Variants in EPS15 observed in about 807,000 individuals in gnomAD.
The protein encoded by EPS15 is epidermal growth factor receptor pathway substrate 15.
In EPS15, 72 loss-of-function variants were observed where a neutral mutation model predicts 113.8. That is an observed-to-expected ratio of 0.63 (90% confidence interval 0.52 to 0.77). The LOEUF (loss-of-function observed/expected upper bound fraction) is 0.77, where lower values mean the gene tolerates loss of function less well. Among genes scored for constraint, EPS15 ranks in the 30% least tolerant of loss-of-function variants. The pLI is 0.00. For missense variants in EPS15, 1,048 were observed against 1,045.8 expected (o/e 1.00, Z -0.03); for synonymous variants, 344 against 363.4 (o/e 0.95, Z 0.61).
At chr1:51,357,740 C>CTTT (rs397978269) in intron 24 of EPS15, among the ~76,000 whole-genome samples, 105 of 133,062 alleles carry the variant, frequency 7.9e-4, no homozygotes, top group African/African-American at 2.7e-3. Context: ...TAAACCTAAT[C>CTTT]TTTTTTTTTT....
At chr1:51,455,144 A>G (rs1653882109) in intron 8 of EPS15, among the ~76,000 whole-genome samples, 1 of 152,228 alleles carries the variant, frequency 6.6e-6, no homozygotes, top group Non-Finnish European at 1.5e-5. Flanking sequence ...CAGCCCTAAT[A>G]AAACAAAGAA....
intron 10 of EPS15, among the ~76,000 whole-genome samples, chr1:51,445,799 A>G (rs529880560): frequency 9.2e-5 from 14 of 152,360 alleles, no homozygotes; most frequent in African/African-American, 3.4e-4. Context: ...AACCTTGGCT[A>G]AGTTTTTTAA....
intron 1 of EPS15, among the ~76,000 whole-genome samples, chr1:51,486,678 T>C (rs1425266907): frequency 6.6e-6 from 1 of 152,100 alleles, no homozygotes; most frequent in Non-Finnish European, 1.5e-5. Context: ...TAATTTTCTT[T>C]TCTTTTTTTT....
At chr1:51,448,728 G>C (rs1245500454) in intron 8 of EPS15, among the ~76,000 whole-genome samples, 1 of 152,164 alleles carries the variant, frequency 6.6e-6, no homozygotes, top group Non-Finnish European at 1.5e-5. Flanking sequence ...GCGGTAGCAT[G>C]CTACCCCAAA....
At chr1:51,502,482 G>A (rs761154816) in intron 1 of EPS15, among the ~76,000 whole-genome samples, 1 of 152,018 alleles carries the variant, frequency 6.6e-6, no homozygotes, top group African/African-American at 2.4e-5. Flanking sequence ...TTATACTGGA[G>A]GTTCTAACCA....
intron 3 of EPS15, among the ~76,000 whole-genome samples, chr1:51,472,484 C>T (rs2148512495): frequency 6.6e-6 from 1 of 152,110 alleles, no homozygotes; most frequent in East Asian, 1.9e-4. Flanking sequence ...TTTAAAAAGC[C>T]TCTCATCCCC....
intron 15 of EPS15, among the ~76,000 whole-genome samples, chr1:51,406,640 T>A (rs959914234): frequency 2.0e-5 from 3 of 152,034 alleles, no homozygotes; most frequent in African/African-American, 4.8e-5. Flanking sequence ...ATTTTTTTTT[T>A]AAAGAGATTC....
chr1:51,408,596 T>C (rs1649369209), intron 14 of EPS15, among the ~76,000 whole-genome samples: 1 of 151,684 alleles, frequency 6.6e-6, no homozygotes, highest in Non-Finnish European at 1.5e-5. Context: ...AGCCCTATTA[T>C]GGAGTTTTTG....
At chr1:51,360,809 T>C (rs975727905) in intron 24 of EPS15, among the ~76,000 whole-genome samples, 1 of 152,158 alleles carries the variant, frequency 6.6e-6, no homozygotes, top group African/African-American at 2.4e-5. Context: ...ACTGGCATTA[T>C]TCATCTAGTG....
intron 21 of EPS15, among the ~76,000 whole-genome samples, chr1:51,378,424 A>C (rs1447371768): frequency 6.6e-6 from 1 of 152,056 alleles, no homozygotes; most frequent in African/African-American, 2.4e-5. Context: ...TAGGAGACTG[A>C]GGTGGGAGGA....
chr1:51,432,161 A>G (rs1651783994), intron 12 of EPS15, among the ~76,000 whole-genome samples: 1 of 152,232 alleles, frequency 6.6e-6, no homozygotes, highest in African/African-American at 2.4e-5. Context: ...AAGACAGACT[A>G]TAATACATCT....
intron 7 of EPS15, 93 bp downstream of exon 7, chr1:51,463,573 GATTTGTA>G (rs772836941): frequency 3.9e-5 from 24 of 609,192 alleles, no homozygotes; most frequent in Non-Finnish European, 5.5e-5. Flanking sequence ...TTTAAAATAA[GATTTGTA>G]TATTTTTAAC....
intron 12 of EPS15, among the ~76,000 whole-genome samples, chr1:51,435,559 T>A (rs1182879352): frequency 6.6e-6 from 1 of 152,228 alleles, no homozygotes. Context: ...TAGTTCAACA[T>A]TTAACACATG....
At chr1:51,450,774 G>A (rs1411711567) in intron 8 of EPS15, among the ~76,000 whole-genome samples, 1 of 151,676 alleles carries the variant, frequency 6.6e-6, no homozygotes, top group African/African-American at 2.4e-5. Flanking sequence ...TTGCAGCACC[G>A]TTTGTATCAG....
At chr1:51,508,240 A>G (rs1396906046) in intron 1 of EPS15, among the ~76,000 whole-genome samples, 51 of 77,782 alleles carry the variant, frequency 6.6e-4, no homozygotes, top group African/African-American at 1.4e-3. Context: ...AAAGAAAAGA[A>G]AGAGAGAAAG....
chr1:51,356,738 C>T lies in EPS15; in HGVS notation c.2653G>A (p.Ala885Thr). 1 of 1,613,932 alleles carries T rather than the reference C, an allele frequency of 6.2e-7. No individual in the cohort carries two copies. Among genetic ancestry groups the T allele is most frequent in the Non-Finnish European group, 8.5e-7 (1 of 1,179,870 alleles). The change falls in exon 25 of 25, where the codon GCT (alanine) becomes ACT (threonine). Residue 885 changes from alanine to threonine, a missense_variant. Ala to Thr is a moderately conservative substitution (Grantham distance 58). Coordinates refer to ENST00000371733, the MANE Select transcript of EPS15 (RefSeq NM_001981.3). ...ATCTCAGATTTGCTGAGTGCAATAG[C>T]CAGTTCTAAGTCTTCTTGTTCCTGC... ...NQQEQEDLEL[A>T]IALSKSEISE...
chr1:51,504,029 A>T (rs761443533), intron 1 of EPS15, among the ~76,000 whole-genome samples: 1 of 152,214 alleles, frequency 6.6e-6, no homozygotes, highest in African/African-American at 2.4e-5. Flanking sequence ...AATCTTCATG[A>T]CCTTAGATTT....
chr1:51,476,953 A>G (rs1178815862), intron 2 of EPS15, among the ~76,000 whole-genome samples: 1 of 152,116 alleles, frequency 6.6e-6, no homozygotes, highest in African/African-American at 2.4e-5. Flanking sequence ...TGGTATCAGG[A>G]TGATGCTGGC....
chr1:51,462,416 A>G (rs1275838), intron 7 of EPS15, among the ~76,000 whole-genome samples: 6,044 of 152,140 alleles, frequency 0.04, 168 homozygotes, highest in Non-Finnish European at 0.06. Context: ...AGAGTAGTTA[A>G]GATTTGAAAT....
Sources: gnomAD v4.1 joint callset for allele counts (sites outside exome capture counted in the v4.1 genomes callset) on GRCh38, gnomAD v4.1.1 for gene constraint, MANE v1.5 for transcripts, NCBI Gene and HGNC (gene_info 2026-07-23, HGNC 2026-07-21) for gene names.